PTPRN2: variants seen among roughly 807,000 people sequenced by gnomAD.
PTPRN2 encodes the protein protein tyrosine phosphatase receptor type N2.
Under a neutral mutation model 118.8 loss-of-function variants are expected in PTPRN2, and 74 were observed. The observed-to-expected ratio is 0.62, with a 90% CI of 0.52 to 0.76. PTPRN2 has a LOEUF of 0.76. Ranked by LOEUF, PTPRN2 falls within the 30% of genes least tolerant of loss-of-function variation. The pLI, the probability that PTPRN2 is intolerant of heterozygous loss-of-function variation, is 0.00. For missense variants in PTPRN2, 1,481 were observed against 1,394.4 expected (o/e 1.06, Z -0.99); for synonymous variants, 641 against 608.0 (o/e 1.05, Z -0.80).
intron 2 of PTPRN2, 121 bp downstream of exon 2, chr7:158,489,614 G>A (rs995548674): frequency 6.0e-5 from 62 of 1,033,538 alleles, no homozygotes; most frequent in Non-Finnish European, 7.2e-5. Context: ...GCCTCCTCTC[G>A]GCAGCGCGCC....
intron 4 of PTPRN2, among the ~76,000 whole-genome samples, chr7:158,193,474 CAG>C (rs1239921662): frequency 1.3e-5 from 2 of 152,142 alleles, no homozygotes; most frequent in Non-Finnish European, 2.9e-5. Flanking sequence ...CCCGGAGAGA[CAG>C]AGTCAGGACT....
Position 158,012,475 on chromosome 7 carries a change from G to T in PTPRN2, c.1723+68823C>A, listed in dbSNP as rs569541394. Among the ~76,000 whole-genome samples the T allele has an allele frequency of 2.0e-5, 3 of 152,228 alleles. 1 individual carries two copies. The highest frequency in any genetic ancestry group is 2.9e-5 in the Non-Finnish European group (2 of 68,038). On this transcript the variant is annotated intron_variant, in intron 11 of 22. Transcript: ENST00000389418. ...GAAGAATTTCCAAAATTCACAAAGC[G>T]TAGAAAGAAGATTGTTAAAAAGTAT...
At chr7:157,851,079 G>A (rs886450042) in intron 12 of PTPRN2, among the ~76,000 whole-genome samples, 1 of 152,154 alleles carries the variant, frequency 6.6e-6, no homozygotes, top group African/African-American at 2.4e-5. Context: ...CCATGGCCCC[G>A]CACACCGGAC....
chr7:158,169,215 G>A (rs1027493465), intron 5 of PTPRN2, among the ~76,000 whole-genome samples: 9 of 152,178 alleles, frequency 5.9e-5, no homozygotes, highest in African/African-American at 2.2e-4. Context: ...GAGTTGGGAA[G>A]TGGGTTGATA....
At chr7:157,994,488 C>T (rs1173016556) in intron 11 of PTPRN2, among the ~76,000 whole-genome samples, 1 of 127,662 alleles carries the variant, frequency 7.8e-6, no homozygotes, top group African/African-American at 3.0e-5. Flanking sequence ...CCACTTTGGC[C>T]CACAGCTCCT....
intron 8 of PTPRN2, among the ~76,000 whole-genome samples, chr7:158,135,918 A>G (rs6459840): frequency 0.34 from 51,487 of 152,118 alleles, 8,955 homozygotes; most frequent in East Asian, 0.5. Flanking sequence ...TGTTGCTTAG[A>G]ACGGTTCTTC....
chr7:158,388,190 A>G (rs574739138), intron 2 of PTPRN2, among the ~76,000 whole-genome samples: 4 of 152,106 alleles, frequency 2.6e-5, no homozygotes, highest in Admixed American at 6.5e-5. Context: ...ACTGAACAAG[A>G]AGCCCCTGGA....
rs550680123 is a variant in PTPRN2 at position 157,764,351 on chromosome 7, G to T, written c.1789-81414C>A. On this transcript the variant is annotated intron_variant, in intron 12 of 22. Coordinates refer to ENST00000389418, the MANE Select transcript of PTPRN2 (RefSeq NM_002847.5). This position sits in a 1 kb window ranked among gnomAD's most constrained non-coding sequence, Gnocchi z 4.5. The stretch of plus-strand genomic sequence containing the variant: ...CCAAGCGTCCACCAATGGAAGAAAA[G>T]ATAAACATCATGTGGTCCACCCACA... 6.6e-6 allele frequency among the ~76,000 whole-genome samples: 1 copy of T among 152,350 alleles called. No individual in the cohort carries two copies. Among genetic ancestry groups the T allele is most frequent in the South Asian group, 2.1e-4 (1 of 4,826 alleles).
Position 158,413,834 on chromosome 7 carries a change from G to A in PTPRN2, c.163+75901C>T, listed in dbSNP as rs149742627. On this transcript the variant is annotated intron_variant, in intron 2 of 22. Coordinates refer to ENST00000389418, the MANE Select transcript of PTPRN2 (RefSeq NM_002847.5). The stretch of plus-strand genomic sequence containing the variant: ...ACCCAGCCTTTTCAGCTCAACCTGG[G>A]CCACCCTTAAACATGGAGGCAAGGG... Among the ~76,000 whole-genome samples, 84 of 152,302 alleles carry A rather than the reference G, an allele frequency of 5.5e-4. 1 individual carries two copies. The East Asian group carries it at 0.015, about 27-fold the overall frequency.
chr7:158,572,212 T>C (rs1450055122), intron 1 of PTPRN2, among the ~76,000 whole-genome samples: 5 of 152,220 alleles, frequency 3.3e-5, no homozygotes, highest in African/African-American at 1.2e-4. Context: ...TGTCTGGCTG[T>C]CTAGTTGGGT....
At chr7:157,850,388 G>T (rs181622909) in intron 12 of PTPRN2, among the ~76,000 whole-genome samples, 1,779 of 151,480 alleles carry the variant, frequency 0.012, 40 homozygotes, top group Admixed American at 0.019. Flanking sequence ...CCGACGTGGG[G>T]TGCCTCAGGC....
chr7:158,068,332 G>A (rs1182091586), intron 11 of PTPRN2, among the ~76,000 whole-genome samples: 1 of 152,198 alleles, frequency 6.6e-6, no homozygotes, highest in African/African-American at 2.4e-5. Flanking sequence ...CGAGGGTACG[G>A]TGCAGTGCAC....
intron 11 of PTPRN2, among the ~76,000 whole-genome samples, chr7:158,054,756 C>T (rs972755678): frequency 3.3e-5 from 5 of 152,256 alleles, no homozygotes; most frequent in African/African-American, 1.2e-4. Flanking sequence ...TGCCCCGTAG[C>T]ACCGTCAGCC....
chr7:157,819,102 C>T (rs925940055), intron 12 of PTPRN2, among the ~76,000 whole-genome samples: 1 of 152,200 alleles, frequency 6.6e-6, no homozygotes, highest in Non-Finnish European at 1.5e-5. Context: ...GCCCCAGCCC[C>T]CCAAACACCT....
chr7:157,807,087 A>C (rs1451857616), intron 12 of PTPRN2, among the ~76,000 whole-genome samples: 1 of 152,204 alleles, frequency 6.6e-6, no homozygotes, highest in Non-Finnish European at 1.5e-5. Context: ...CTTTGACATG[A>C]TCTTCTGGGA....
At chr7:158,410,379 T>C (rs1387304067) in intron 2 of PTPRN2, among the ~76,000 whole-genome samples, 1 of 152,146 alleles carries the variant, frequency 6.6e-6, no homozygotes, top group East Asian at 1.9e-4. Context: ...CATCCCCGAG[T>C]ACCCAGGTGA....
At chr7:157,712,505 C>G (rs373997081) in intron 12 of PTPRN2, among the ~76,000 whole-genome samples, 1 of 152,098 alleles carries the variant, frequency 6.6e-6, no homozygotes, top group Non-Finnish European at 1.5e-5. Context: ...AATCCCAGCA[C>G]TTTGGGAGGC....
chr7:158,262,989 A>C (rs563661289), intron 3 of PTPRN2, among the ~76,000 whole-genome samples: 2 of 147,202 alleles, frequency 1.4e-5, no homozygotes, highest in African/African-American at 5.3e-5. Flanking sequence ...ATACAGATTC[A>C]CACACATTGC....
At chr7:157,967,922 T>G (rs188663439) in intron 11 of PTPRN2, among the ~76,000 whole-genome samples, 51 of 152,356 alleles carry the variant, frequency 3.3e-4, no homozygotes, top group Non-Finnish European at 6.6e-4. Flanking sequence ...TCTCTTTTTG[T>G]GATGAACACC....
Sources: allele counts gnomAD v4.1 joint callset (sites outside exome capture counted in the v4.1 genomes callset), GRCh38; gene constraint gnomAD v4.1.1; non-coding constraint Gnocchi (gnomAD v3.1); transcripts MANE v1.5; gene names NCBI Gene and HGNC (gene_info 2026-07-23, HGNC 2026-07-21).